Variants in TACC2 observed in about 807,000 individuals in gnomAD.
TACC2 encodes the protein transforming acidic coiled-coil-containing protein 2.
A neutral mutation model predicts 227.3 loss-of-function variants in TACC2; 137 were observed. That is an observed-to-expected ratio of 0.60 (90% confidence interval 0.52 to 0.69). The LOEUF (loss-of-function observed/expected upper bound fraction) is 0.69. Ranked by LOEUF, TACC2 falls within the 30% of genes least tolerant of loss-of-function variation. TACC2 has a pLI of 0.00. For missense variants in TACC2, 3,470 were observed against 3,694.4 expected, an observed-to-expected ratio of 0.94 and a Z score of 1.57; for synonymous variants, 1,523 against 1,487.5, an observed-to-expected ratio of 1.02 and a Z score of -0.55.
chr10:122,138,342 T>C lies in TACC2; in HGVS notation c.5700-5230T>C, dbSNP rs2090023637. ...GGCCAACATGGCAAAATCTTGTCTC[T>C]ACTAAATATGTAAAAAAATTAGCTG... On this transcript the variant is annotated intron_variant, in intron 6 of 22. Coordinates refer to ENST00000369005, the MANE Select transcript of TACC2 (RefSeq NM_206862.4). 3.3e-5 allele frequency among the ~76,000 whole-genome samples: 5 copies of C among 152,274 alleles called. No homozygotes were observed. In the South Asian group the frequency reaches 1.0e-3, roughly 32 times the overall value.
intron 2 of TACC2, among the ~76,000 whole-genome samples, chr10:122,028,084 C>CTTTTTTTTTTTTTT (rs59135261): frequency 3.2e-4 from 29 of 91,730 alleles, no homozygotes; most frequent in South Asian, 1.3e-3. Flanking sequence ...TTCTTTCTTT[C>CTTTTTTTTTTTTTT]TTTTTTTTTT....
At chr10:122,027,025 A>G (rs533119820) in intron 2 of TACC2, among the ~76,000 whole-genome samples, 1 of 152,202 alleles carries the variant, frequency 6.6e-6, no homozygotes, top group Non-Finnish European at 1.5e-5. Flanking sequence ...CAGTTTTGTA[A>G]GAAACCACCA....
chr10:122,248,875 G>A, intron 20 of TACC2, 72 bp downstream of exon 20: 4 of 1,592,854 alleles, frequency 2.5e-6, no homozygotes, highest in South Asian at 1.1e-5. Flanking sequence ...CTGGGAGGGG[G>A]TAGGATTCCA....
chr10:122,121,788 G>A (rs6585787), intron 5 of TACC2, among the ~76,000 whole-genome samples: 101,198 of 151,930 alleles, frequency 0.67, 37,453 homozygotes, highest in South Asian at 0.82. Flanking sequence ...GAAGGTAGAG[G>A]TCCCTGCCCT....
Position 122,216,815 on chromosome 10 carries a change from T to A in TACC2, c.7533T>A (p.Ser2511Arg). 1 of 1,614,074 alleles carries A rather than the reference T, an allele frequency of 6.2e-7. No individual in the cohort carries two copies. The highest frequency in any genetic ancestry group is 8.5e-7 in the Non-Finnish European group (1 of 1,180,018). Residue 2511 changes from serine (S) to arginine (R), a missense_variant, in exon 11 of 23, where the codon AGT becomes AGA. Physicochemically the swap from Ser to Arg is moderately radical, Grantham distance 110 (BLOSUM62 -1). Around this residue, in one of 10 missense-constraint regions of TACC2, gnomAD observed 345 missense variants for 354.4 expected, o/e 0.97. Coordinates refer to ENST00000369005, the MANE Select transcript of TACC2 (RefSeq NM_206862.4). ...LSTFVNETKF[S>R]SPTEELDYRN... ...CCTTTGTAAACGAGACCAAATTCAG[T>A]TCACCCACTGAGGGTAAGCAACTCT...
At chr10:122,088,628 G>A (rs938940551) in intron 5 of TACC2, 37 bp downstream of exon 5, 16 of 1,596,646 alleles carry the variant, frequency 1.0e-5, no homozygotes, top group Non-Finnish European at 1.2e-5. Flanking sequence ...AGGCCATGAT[G>A]CCTTCCTTAG....
At position 122,140,122 on chromosome 10, in the gene TACC2, AGTT is replaced by A. The variant is rs528838942; in HGVS notation, c.5700-3443_5700-3441del. Reference sequence around the variant, plus strand: ...CTGCAGCCGAATGGGCAGTGGGACCAGTTGTTGTTTGTGAGGACCTTAGCAAGG... The same window carrying A: ...CTGCAGCCGAATGGGCAGTGGGACCAGTTGTTTGTGAGGACCTTAGCAAGG... On this transcript the variant is annotated intron_variant, in intron 6 of 22. Transcript: ENST00000369005. Among the ~76,000 whole-genome samples the A allele has an allele frequency of 2.7e-4, 41 of 152,304 alleles. No individual in the cohort carries two copies. The South Asian group carries it at 8.1e-3, about 30-fold the overall frequency.
At chr10:122,045,380 C>G (rs2074854101) in intron 2 of TACC2, among the ~76,000 whole-genome samples, 1 of 152,216 alleles carries the variant, frequency 6.6e-6, no homozygotes, top group Non-Finnish European at 1.5e-5. Flanking sequence ...GGAGCCAAAC[C>G]ATCCTGGTCC....
Position 122,173,048 on chromosome 10 carries a change from T to C in TACC2, c.5835-21992T>C, listed in dbSNP as rs535274446. On this transcript the variant is annotated intron_variant, in intron 7 of 22. Coordinates refer to ENST00000369005, the MANE Select transcript of TACC2 (RefSeq NM_206862.4). ...CCTGTGGCCTCAGCTTGGGTACCTT[T>C]GGTTGCAAGTAGAAAAAAACCAATT... 3.7e-4 allele frequency among the ~76,000 whole-genome samples: 56 copies of C among 152,254 alleles called. 2 individuals carry two copies. The highest frequency in any genetic ancestry group is 5.9e-5 in the Non-Finnish European group (4 of 68,020).
intron 2 of TACC2, chr10:122,023,804 A>T (rs1036705290): frequency 7.7e-6 from 1 of 129,998 alleles, no homozygotes; most frequent in Non-Finnish European, 1.6e-5. Flanking sequence ...TAAAAAAAAA[A>T]AAAAGAAATC....
intron 5 of TACC2, among the ~76,000 whole-genome samples, chr10:122,106,278 G>C (rs530863319): frequency 2.0e-5 from 3 of 152,138 alleles, no homozygotes; most frequent in African/African-American, 7.2e-5. Flanking sequence ...GTGAGCCACC[G>C]CGCCCGGCCC....
chr10:122,179,923 TAA>T lies in TACC2; in HGVS notation c.5835-15108_5835-15107del, dbSNP rs143106411. Among the ~76,000 whole-genome samples, 5 of 148,742 alleles carry T rather than the reference TAA, an allele frequency of 3.4e-5. No individual in the cohort carries two copies. The East Asian group carries it at 9.8e-4, about 29-fold the overall frequency. On this transcript the variant is annotated intron_variant, in intron 7 of 22. Transcript: ENST00000369005. ...AGGGAGCCACCATCTCTACAAAAAA[TAA>T]AAAAAAAATATAGCCGGGAGTGGTG...
At position 122,226,382 on chromosome 10, in the gene TACC2, C is replaced by T. The variant is rs369295547; in HGVS notation, c.7625C>T (p.Pro2542Leu). The T allele has an allele frequency of 1.2e-5, 20 of 1,613,746 alleles. No individual in the cohort carries two copies. The highest frequency in any genetic ancestry group is 5.3e-5 in the African/African-American group (4 of 74,886). Reference protein sequence around the residue: ...GSSLPQDDDAPKKQALYLMFD... With the variant: ...GSSLPQDDDALKKQALYLMFD... ...TCCCTGCAGCAGGACGACGATGCCCCGAAGAAGCAGGCCTTGTACCTTATG... is the reference window on the plus strand; with the variant it reads ...TCCCTGCAGCAGGACGACGATGCCCTGAAGAAGCAGGCCTTGTACCTTATG... Residue 2542 changes from proline to leucine, a missense_variant, in exon 13 of 23, where the codon CCG (proline) becomes CTG (leucine). Pro to Leu is a moderately conservative substitution (Grantham distance 98). Transcript: ENST00000369005.
chr10:122,199,680 C>T (rs905239662), intron 8 of TACC2, among the ~76,000 whole-genome samples: 2 of 152,198 alleles, frequency 1.3e-5, no homozygotes, highest in African/African-American at 4.8e-5. Context: ...CTGATGACAG[C>T]ACACTGTCTT....
At chr10:122,208,167 C>G (rs966954903) in intron 8 of TACC2, among the ~76,000 whole-genome samples, 17 of 152,198 alleles carry the variant, frequency 1.1e-4, no homozygotes, top group African/African-American at 3.6e-4. Context: ...TTTAGGGCGT[C>G]TGCTCCAGGT....
chr10:122,193,085 A>T (rs2094463419), intron 7 of TACC2, among the ~76,000 whole-genome samples: 1 of 152,194 alleles, frequency 6.6e-6, no homozygotes, highest in Admixed American at 6.5e-5. Flanking sequence ...TGTTTGTAAG[A>T]AGTCAGTATC....
At position 122,050,495 on chromosome 10, in the gene TACC2, A is replaced by G. The variant is rs369830070; in HGVS notation, c.91A>G (p.Ile31Val). The G allele has an allele frequency of 3.0e-5, 48 of 1,613,990 alleles. No individual in the cohort carries two copies. Among genetic ancestry groups the G allele is most frequent in the Non-Finnish European group, 3.7e-5 (44 of 1,180,030 alleles). Residue 31 changes from isoleucine to valine, a missense_variant, in exon 3 of 23, where the codon ATA (isoleucine) becomes GTA (valine). Transcript: ENST00000369005. This position sits in a 1 kb window ranked among gnomAD's most constrained non-coding sequence, Gnocchi z 4.6. ...GCAGCCACCCGGGAACAGTCAGAAT[A>G]TAAAAAGGAAGCAGCAGGACACGCC... ...SAQPPGNSQN[I>V]KRKQQDTPGS...
chr10:122,214,181 G>T (rs913534644), intron 9 of TACC2, among the ~76,000 whole-genome samples: 3 of 152,144 alleles, frequency 2.0e-5, no homozygotes, highest in African/African-American at 7.2e-5. Context: ...ATAGGGTCGA[G>T]TCCATCAGAC....
chr10:122,085,491 G>C lies in TACC2; in HGVS notation c.2991G>C (p.Leu997Phe). 6.2e-7 allele frequency: 1 copy of C among 1,613,662 alleles called. No homozygotes were observed. Residue 997 changes from leucine (L) to phenylalanine (F), a missense_variant, in exon 4 of 23, where the codon TTG becomes TTC. Leu to Phe is a conservative substitution (Grantham distance 22, BLOSUM62 0). Around this residue, in one of 10 missense-constraint regions of TACC2, gnomAD observed 1,924 missense variants for 1,978.3 expected, o/e 0.97. Transcript: ENST00000369005. ...GQGPNKSQQA[L>F]ADALEEGSQH... ...GGCCAAACAAGTCTCAACAGGCATT[G>C]GCTGATGCCTTGGAAGAAGGCAGCC...
Sources: allele counts gnomAD v4.1 joint callset (sites outside exome capture counted in the v4.1 genomes callset), GRCh38; gene constraint gnomAD v4.1.1; regional missense constraint gnomAD v4.1.1; non-coding constraint Gnocchi (gnomAD v3.1); transcripts MANE v1.5; gene names NCBI Gene and HGNC (gene_info 2026-07-23, HGNC 2026-07-21).